Variants in ZNF385D observed in about 807,000 individuals in gnomAD.
ZNF385D encodes the protein zinc finger protein 659.
Under a neutral mutation model 35.8 loss-of-function variants are expected in ZNF385D, and 15 were observed. The observed-to-expected ratio is 0.42, with a 90% CI of 0.28 to 0.64. The LOEUF (loss-of-function observed/expected upper bound fraction) is 0.64. Ranked by LOEUF, ZNF385D falls within the 30% of genes least tolerant of loss-of-function variation. The probability of loss-of-function intolerance (pLI) is 0.23; values close to 1 mark genes in which losing one functional copy is unlikely to be tolerated. For missense variants in ZNF385D, 474 were observed against 494.6 expected (o/e 0.96, Z 0.39); for synonymous variants, 212 against 186.8 (o/e 1.13, Z -1.10).
At chr3:22,024,853 T>A (rs1697439441) in intron 3 of ZNF385D, among the ~76,000 whole-genome samples, 1 of 152,146 alleles carries the variant, frequency 6.6e-6, no homozygotes, top group Admixed American at 6.6e-5. Context: ...GGATTCTGTC[T>A]CCCAGCTTCA....
intron 3 of ZNF385D, among the ~76,000 whole-genome samples, chr3:21,523,660 T>C (rs529902179): frequency 6.6e-6 from 1 of 152,234 alleles, no homozygotes; most frequent in East Asian, 1.9e-4. Context: ...TTAGGAAGTA[T>C]GCTTGGGAAT....
At chr3:21,822,133 G>C (rs1442226135) in intron 3 of ZNF385D, among the ~76,000 whole-genome samples, 2 of 152,044 alleles carry the variant, frequency 1.3e-5, no homozygotes, top group African/African-American at 4.8e-5. Flanking sequence ...GTGCAGTCGT[G>C]TGATCTTGGC....
At chr3:21,856,388 G>T (rs373209466) in intron 3 of ZNF385D, among the ~76,000 whole-genome samples, 2 of 151,806 alleles carry the variant, frequency 1.3e-5, no homozygotes, top group South Asian at 4.2e-4. Context: ...ATATTTTCTC[G>T]TCTTTCTGAA....
At chr3:22,175,357 G>A (rs903367934) in intron 2 of ZNF385D, among the ~76,000 whole-genome samples, 5 of 151,784 alleles carry the variant, frequency 3.3e-5, no homozygotes, top group African/African-American at 1.2e-4. Flanking sequence ...TCATGTCATG[G>A]GATTAGATAC....
chr3:22,171,876 CAAAAAAAA>C (rs370469654), intron 2 of ZNF385D, among the ~76,000 whole-genome samples: 40,415 of 100,492 alleles, frequency 0.4, 6,210 homozygotes, highest in African/African-American at 0.41. Flanking sequence ...GACTCGGTCT[CAAAAAAAA>C]AAAAAAAAAA....
At chr3:21,758,975 CAAAAAAAAAAAAAAA>C (rs58450064) in intron 3 of ZNF385D, among the ~76,000 whole-genome samples, 7 of 29,222 alleles carry the variant, frequency 2.4e-4, no homozygotes, top group South Asian at 2.5e-3. Flanking sequence ...TCATCACTGG[CAAAAAAAAAAAAAAA>C]AAAAAAAAAA....
At chr3:22,300,835 TG>T (rs558721239) in intron 2 of ZNF385D, among the ~76,000 whole-genome samples, 113 of 152,176 alleles carry the variant, frequency 7.4e-4, no homozygotes, top group African/African-American at 2.7e-3. Context: ...GCAATTTTGA[TG>T]GGAATATAAA....
chr3:21,738,790 C>A (rs1234382080), intron 1 of ZNF385D, among the ~76,000 whole-genome samples: 1 of 152,128 alleles, frequency 6.6e-6, no homozygotes, highest in African/African-American at 2.4e-5. Context: ...CCAATTTTAC[C>A]TCTAAAATGG....
chr3:22,246,837 T>C (rs1180848223), intron 2 of ZNF385D, among the ~76,000 whole-genome samples: 1 of 152,172 alleles, frequency 6.6e-6, no homozygotes, highest in Non-Finnish European at 1.5e-5. Context: ...TCTCCTTCCC[T>C]AGAAATTCTG....
intron 3 of ZNF385D, among the ~76,000 whole-genome samples, chr3:21,965,567 A>G (rs1419593068): frequency 6.6e-6 from 1 of 152,218 alleles, no homozygotes; most frequent in African/African-American, 2.4e-5. Flanking sequence ...GAATTGTTTC[A>G]CAATAAAAGA....
At chr3:22,321,164 GTTTTTTTTTT>G in intron 2 of ZNF385D, among the ~76,000 whole-genome samples, 1 of 76,164 alleles carries the variant, frequency 1.3e-5, no homozygotes, top group African/African-American at 5.0e-5. Flanking sequence ...TTATGACCTT[GTTTTTTTTTT>G]TTTTTTTTTT....
In ZNF385D at chr3:22,066,532, C is replaced by CTG. The variant is rs10536628; in HGVS notation, c.325+102283_325+102284dup. ...AAAAGATACTGGGTGAGATGGTTCC[C>CTG]TGTGTGTGTGTGTGTGTGTGTGTGT... On this transcript the variant is annotated intron_variant, in intron 3 of 5. Coordinates refer to the ZNF385D transcript ENST00000494108. 9.3e-3 allele frequency among the ~76,000 whole-genome samples: 850 copies of CTG among 91,274 alleles called. 8 individuals are homozygous for CTG. Among genetic ancestry groups the CTG allele is most frequent in the Non-Finnish European group, 0.012 (553 of 47,232 alleles). The allele number at this position is 91,274 out of a possible 152,430, so 59.9% of individuals were successfully genotyped here. A position where few individuals can be genotyped will look rare whatever the true frequency, so the allele number is the denominator to read the frequency against.
At chr3:21,902,034 T>A (rs1208103268) in intron 3 of ZNF385D, among the ~76,000 whole-genome samples, 1 of 152,178 alleles carries the variant, frequency 6.6e-6, no homozygotes, top group African/African-American at 2.4e-5. Flanking sequence ...TCCTGAAACA[T>A]GACACTAAAC....
intron 4 of ZNF385D, among the ~76,000 whole-genome samples, chr3:21,505,578 C>T (rs956868287): frequency 9.2e-5 from 14 of 152,078 alleles, no homozygotes; most frequent in Admixed American, 2.0e-4. Context: ...AGCTCACTGA[C>T]CACCAGACAT....
intron 3 of ZNF385D, among the ~76,000 whole-genome samples, chr3:21,785,305 A>G (rs971516958): frequency 3.3e-5 from 5 of 152,196 alleles, no homozygotes; most frequent in Admixed American, 6.5e-5. Context: ...TTTCATATAC[A>G]TGCACATTGA....
chr3:22,349,477 G>T (rs1189366445), intron 2 of ZNF385D, among the ~76,000 whole-genome samples: 1 of 152,036 alleles, frequency 6.6e-6, no homozygotes, highest in East Asian at 1.9e-4. Flanking sequence ...ATGTACACTG[G>T]TGATATCTGT....
chr3:22,035,638 TCAGCCTAA>T (rs1464476403), intron 3 of ZNF385D, among the ~76,000 whole-genome samples: 1 of 152,184 alleles, frequency 6.6e-6, no homozygotes, highest in Non-Finnish European at 1.5e-5. Context: ...AGTAGCCAGA[TCAGCCTAA>T]CAGCAGTAAT....
intron 3 of ZNF385D, among the ~76,000 whole-genome samples, chr3:21,866,207 C>T (rs1366540715): frequency 6.6e-6 from 1 of 151,896 alleles, no homozygotes; most frequent in Non-Finnish European, 1.5e-5. Context: ...AATCCCAGCA[C>T]TTTGAGAGGC....
At chr3:22,346,273 C>T (rs1290072661) in intron 2 of ZNF385D, among the ~76,000 whole-genome samples, 1 of 152,104 alleles carries the variant, frequency 6.6e-6, no homozygotes, top group Non-Finnish European at 1.5e-5. Context: ...AAGAAATATT[C>T]ATTTCTTTTT....
Sources: gnomAD v4.1 joint callset for allele counts (sites outside exome capture counted in the v4.1 genomes callset) on GRCh38, gnomAD v4.1.1 for gene constraint, MANE v1.5 for transcripts, NCBI Gene and HGNC (gene_info 2026-07-23, HGNC 2026-07-21) for gene names.